BLTP3B: variants seen among roughly 807,000 people sequenced by gnomAD.
BLTP3B encodes the protein UHRF1 (ICBP90) binding protein 1-like.
the BLTP3B span, among the ~76,000 whole-genome samples, chr12:100,113,687 T>C: frequency 2.7e-5 from 4 of 150,274 alleles, no homozygotes; most frequent in Non-Finnish European, 1.5e-5. Context: ...GCCAGACAGG[T>C]TGGCTCAGGC....
the BLTP3B span, among the ~76,000 whole-genome samples, chr12:100,140,704 CAAAAAA>C: frequency 3.0e-5 from 1 of 33,770 alleles, no homozygotes; most frequent in Non-Finnish European, 4.5e-5. Context: ...GACTCTGTCT[CAAAAAA>C]AAAAAAAAAA....
chr12:100,072,656 T>C, the BLTP3B span: 1 of 1,479,366 alleles, frequency 6.8e-7, no homozygotes, highest in Non-Finnish European at 9.0e-7. Context: ...CAAATAATAA[T>C]TAAAAACTCT....
chr12:100,070,025 G>A, the BLTP3B span: 4 of 1,341,460 alleles, frequency 3.0e-6, no homozygotes, highest in Non-Finnish European at 2.9e-6. Context: ...AAGGGGAGCA[G>A]TGTAATACAG....
At chr12:100,075,054 C>T in the BLTP3B span, among the ~76,000 whole-genome samples, 10 of 151,908 alleles carry the variant, frequency 6.6e-5, no homozygotes, top group Non-Finnish European at 1.3e-4. Context: ...CTCTGTCACC[C>T]AGGCTGGAGT....
the BLTP3B span, among the ~76,000 whole-genome samples, chr12:100,099,192 C>T: frequency 6.6e-6 from 1 of 151,648 alleles, no homozygotes; most frequent in East Asian, 2.0e-4. Flanking sequence ...TCAGGTTTCA[C>T]CATATTGGCC....
At chr12:100,098,936 A>G in the BLTP3B span, among the ~76,000 whole-genome samples, 2 of 151,756 alleles carry the variant, frequency 1.3e-5, no homozygotes, top group Admixed American at 6.6e-5. Context: ...ATAGATAGAC[A>G]GACAGACACA....
chr12:100,094,534 A>G, the BLTP3B span, among the ~76,000 whole-genome samples: 1 of 152,224 alleles, frequency 6.6e-6, no homozygotes, highest in Admixed American at 6.5e-5. Context: ...AATAGTAGGC[A>G]GGCAATAGAT....
At chr12:100,058,959 TAATACTCCTTC>T in the BLTP3B span, 1 of 1,614,150 alleles carries the variant, frequency 6.2e-7, no homozygotes, top group Non-Finnish European at 8.5e-7. Flanking sequence ...CTCTGTACTA[TAATACTCCTTC>T]AAGAGCTTCT....
At chr12:100,080,671 A>G in the BLTP3B span, among the ~76,000 whole-genome samples, 1 of 152,154 alleles carries the variant, frequency 6.6e-6, no homozygotes, top group Non-Finnish European at 1.5e-5. Context: ...TTGATTTTAT[A>G]GGCTCATAGG....
At chr12:100,136,084 G>A in the BLTP3B span, among the ~76,000 whole-genome samples, 20 of 152,012 alleles carry the variant, frequency 1.3e-4, no homozygotes, top group East Asian at 3.9e-3. Context: ...GGTGGTGCAT[G>A]TCTGTAATCC....
At chr12:100,141,274 G>A in the BLTP3B span, among the ~76,000 whole-genome samples, 3 of 150,478 alleles carry the variant, frequency 2.0e-5, no homozygotes, top group East Asian at 5.8e-4. Context: ...ACCTGAGGTT[G>A]GGAGTTCAAG....
At chr12:100,039,540 C>G in the BLTP3B span, 1 of 1,477,360 alleles carries the variant, frequency 6.8e-7, no homozygotes, top group Admixed American at 2.0e-5. Flanking sequence ...CTATTAGTAT[C>G]TTAATACCTA....
the BLTP3B span, among the ~76,000 whole-genome samples, chr12:100,140,070 C>A: frequency 6.6e-6 from 1 of 152,202 alleles, no homozygotes; most frequent in East Asian, 1.9e-4. Flanking sequence ...ATCTTCATTA[C>A]TGGATATTCT....
At chr12:100,069,349 T>C in the BLTP3B span, among the ~76,000 whole-genome samples, 3 of 152,104 alleles carry the variant, frequency 2.0e-5, no homozygotes, top group Non-Finnish European at 1.5e-5. Flanking sequence ...AACTCGCAAT[T>C]ACAAAACGTG....
the BLTP3B span, among the ~76,000 whole-genome samples, chr12:100,080,785 G>A: frequency 3.7e-5 from 5 of 134,226 alleles, no homozygotes; most frequent in Non-Finnish European, 6.7e-5. Context: ...ATGCATGATT[G>A]GTTTAGAAAT....
At chr12:100,098,740 A>G in the BLTP3B span, among the ~76,000 whole-genome samples, 1 of 109,554 alleles carries the variant, frequency 9.1e-6, no homozygotes. Context: ...CATCTCTACT[A>G]AAAAAAAAAA....
chr12:100,067,546 C>G, the BLTP3B span, among the ~76,000 whole-genome samples: 1 of 152,142 alleles, frequency 6.6e-6, no homozygotes, highest in African/African-American at 2.4e-5. Flanking sequence ...TCATTCAAGG[C>G]AACTATGAAC....
At chr12:100,116,014 C>CA in the BLTP3B span, among the ~76,000 whole-genome samples, 2 of 151,674 alleles carry the variant, frequency 1.3e-5, no homozygotes, top group African/African-American at 4.8e-5. Flanking sequence ...ACTAAAAATA[C>CA]AAAAAAAGTT....
At chr12:100,134,486 G>A in the BLTP3B span, among the ~76,000 whole-genome samples, 4,375 of 151,970 alleles carry the variant, frequency 0.029, 88 homozygotes, top group African/African-American at 0.058. Flanking sequence ...ACATGGTGGC[G>A]GCTGCCTGTA....
Sources: gnomAD v4.1 joint callset for allele counts (sites outside exome capture counted in the v4.1 genomes callset) on GRCh38, gnomAD v4.1.1 for gene constraint, MANE v1.5 for transcripts, NCBI Gene and HGNC (gene_info 2026-07-23, HGNC 2026-07-21) for gene names.